NT5E: variants seen among roughly 807,000 people sequenced by gnomAD.
The protein encoded by NT5E is 5'-nucleotidase ecto, also known as 5'-nucleotidase.
NT5E carries 53 observed loss-of-function variants against 55.1 expected under a neutral mutation model. The observed-to-expected ratio is 0.96, with a 90% CI of 0.77 to 1.21. The LOEUF (loss-of-function observed/expected upper bound fraction) is 1.21, where lower values mean the gene tolerates loss of function less well. Ranked by LOEUF, NT5E falls within the 50% of genes most tolerant of loss-of-function variation. NT5E has a pLI of 0.00. For missense variants in NT5E, 683 were observed against 724.3 expected (o/e 0.94, Z 0.65); for synonymous variants, 270 against 278.4 (o/e 0.97, Z 0.30).
rs1388227044 is a variant in NT5E at position 85,495,689 on chromosome 6, TC to T, written c.*1687del. On this transcript the variant is annotated 3_prime_UTR_variant, in exon 9 of 9. Transcript: ENST00000257770. ...TTTTTTAAAGAACTTTTTTTAAGTT[TC>T]CTAAATCTGTGTGTGTATTGTGAAG... 7 of 152,218 alleles carry T rather than the reference TC, an allele frequency of 4.6e-5. No homozygotes were observed. The highest frequency in any genetic ancestry group is 1.7e-4 in the African/African-American group (7 of 41,446). 9.4% of individuals were successfully genotyped at this position (152,218 alleles called of 1,614,324 possible).
intron 1 of NT5E, among the ~76,000 whole-genome samples, chr6:85,453,459 T>G (rs1166999507): frequency 2.0e-5 from 3 of 152,204 alleles, no homozygotes; most frequent in Non-Finnish European, 4.4e-5. Flanking sequence ...GTCTACCACC[T>G]GCCTGCCCTC....
chr6:85,492,219 A>T, intron 8 of NT5E, 42 bp downstream of exon 8: 4 of 1,598,316 alleles, frequency 2.5e-6, no homozygotes, highest in Non-Finnish European at 3.4e-6. Flanking sequence ...GAACAACAAA[A>T]TTGGGCCAAG....
chr6:85,476,344 G>A (rs933385917), intron 3 of NT5E, among the ~76,000 whole-genome samples: 1 of 152,202 alleles, frequency 6.6e-6, no homozygotes, highest in African/African-American at 2.4e-5. Context: ...GGGTTGTCTT[G>A]TTTACTCATC....
rs191813468 is a variant in NT5E, at chr6:85,470,954, A to G, written c.563-283A>G. 2.8e-4 allele frequency among the ~76,000 whole-genome samples: 43 copies of G among 152,350 alleles called. No homozygotes were observed. In the East Asian group the frequency reaches 6.9e-3, roughly 25 times the overall value. On this transcript the variant is annotated intron_variant, in intron 2 of 8. Coordinates refer to ENST00000257770, the MANE Select transcript of NT5E (RefSeq NM_002526.4). ...TGGAAGTTGAGATGTACAAATATATAAAACAATATCTGAAGCCTCCTCACA... is the reference window on the plus strand; with the variant it reads ...TGGAAGTTGAGATGTACAAATATATGAAACAATATCTGAAGCCTCCTCACA...
intron 1 of NT5E, among the ~76,000 whole-genome samples, chr6:85,465,794 G>T (rs1769181126): frequency 6.6e-6 from 1 of 152,208 alleles, no homozygotes; most frequent in Non-Finnish European, 1.5e-5. Flanking sequence ...ATAGTCAGGA[G>T]ACTGATATAA....
At chr6:85,468,262 G>A (rs80327602) in intron 2 of NT5E, among the ~76,000 whole-genome samples, 2 of 152,274 alleles carry the variant, frequency 1.3e-5, no homozygotes, top group East Asian at 1.9e-4. Context: ...AGCAGCAAGC[G>A]GGTCCTGCAG....
At chr6:85,455,184 C>T (rs1414897183) in intron 1 of NT5E, among the ~76,000 whole-genome samples, 2 of 152,206 alleles carry the variant, frequency 1.3e-5, no homozygotes, top group Non-Finnish European at 1.5e-5. Context: ...CACAGAGTTC[C>T]TAAAACCCTA....
rs1769871224 is a variant in NT5E at position 85,495,391 on chromosome 6, AAC to A, written c.*1389_*1390del. The A allele has an allele frequency of 6.6e-6, 1 of 152,228 alleles. No individual in the cohort carries two copies. Among genetic ancestry groups the A allele is most frequent in the African/African-American group, 2.4e-5 (1 of 41,468 alleles). 9.4% of individuals were successfully genotyped at this position (152,228 alleles called of 1,614,324 possible). The stretch of plus-strand genomic sequence containing the variant: ...AAGAAATGGGAGGCTTCACCTTAAA[AAC>A]AGTGTGCAAATGGCAGCTAGAGGTT... On this transcript the variant is annotated 3_prime_UTR_variant, in exon 9 of 9. Transcript: ENST00000257770.
chr6:85,488,307 C>T (rs897328018), intron 5 of NT5E, among the ~76,000 whole-genome samples: 2 of 152,180 alleles, frequency 1.3e-5, no homozygotes, highest in African/African-American at 2.4e-5. Context: ...CAGTGCTTGG[C>T]ATGCATTGCC....
At chr6:85,461,657 T>C (rs1020969015) in intron 1 of NT5E, among the ~76,000 whole-genome samples, 3 of 152,204 alleles carry the variant, frequency 2.0e-5, no homozygotes, top group African/African-American at 7.2e-5. Context: ...TTCCAAGAGT[T>C]AACAGTTAGT....
chr6:85,468,073 A>G (rs1769230425), intron 2 of NT5E, among the ~76,000 whole-genome samples: 1 of 152,164 alleles, frequency 6.6e-6, no homozygotes, highest in Admixed American at 6.5e-5. Flanking sequence ...ATATTTGAAG[A>G]AAAAAAGGGA....
At chr6:85,454,279 A>G (rs1768947343) in intron 1 of NT5E, among the ~76,000 whole-genome samples, 1 of 152,230 alleles carries the variant, frequency 6.6e-6, no homozygotes, top group Admixed American at 6.5e-5. Flanking sequence ...TCAATGACTG[A>G]CATCCTCCAT....
chr6:85,490,662 G>A lies in NT5E; in HGVS notation c.1360+5G>A, dbSNP rs1360319925. On this transcript the variant is annotated splice_donor_5th_base_variant and intron_variant, in intron 7 of 8. Transcript: ENST00000257770. ...GAGAGTTCCTGCAGGTGGGCGGTAA[G>A]TCACCCATCCTGTAGGGCTGGCCCA... 1.2e-6 allele frequency: 2 copies of A among 1,613,714 alleles called. No homozygotes were observed. Among genetic ancestry groups the A allele is most frequent in the Non-Finnish European group, 1.7e-6 (2 of 1,180,008 alleles).
intron 3 of NT5E, 125 bp from the exon 4 acceptor site, chr6:85,485,110 A>T (rs553092354): frequency 1.1e-6 from 1 of 885,002 alleles, no homozygotes; most frequent in East Asian, 2.6e-5. Flanking sequence ...AAGACTAGCT[A>T]TGTAGAGCAA....
rs779345073 is a variant in NT5E at position 85,482,403 on chromosome 6, G to A, written c.752-2832G>A. On this transcript the variant is annotated intron_variant, in intron 3 of 8. Transcript: ENST00000257770. ...AGGAGGGAAAAAAGGAAAAAAGGGA[G>A]GGAGGGAAGGTGGAAGAAAGAAAAA... Among the ~76,000 whole-genome samples the A allele has an allele frequency of 9.0e-4, 137 of 152,148 alleles. 2 individuals carry two copies. The highest frequency in any genetic ancestry group is 1.4e-3 in the Non-Finnish European group (97 of 67,988).
chr6:85,451,928 G>T (rs1562133737), intron 1 of NT5E, among the ~76,000 whole-genome samples: 3 of 152,192 alleles, frequency 2.0e-5, no homozygotes, highest in Non-Finnish European at 4.4e-5. Context: ...AGGGGAGAAA[G>T]CTCCCTCCGT....
intron 1 of NT5E, among the ~76,000 whole-genome samples, chr6:85,464,986 G>A (rs930841459): frequency 2.0e-5 from 3 of 152,168 alleles, no homozygotes; most frequent in Non-Finnish European, 4.4e-5. Flanking sequence ...ACATTGGGAG[G>A]AAATGACACA....
intron 1 of NT5E, among the ~76,000 whole-genome samples, chr6:85,464,279 C>T (rs1769147845): frequency 6.6e-6 from 1 of 151,988 alleles, no homozygotes; most frequent in Non-Finnish European, 1.5e-5. Context: ...GTAAGAGTAC[C>T]ACCCTCACAG....
intron 3 of NT5E, among the ~76,000 whole-genome samples, chr6:85,476,437 C>T (rs1405813060): frequency 1.1e-4 from 17 of 152,184 alleles, no homozygotes; most frequent in Admixed American, 1.0e-3. Context: ...TGGGTGCTGG[C>T]AGGAGTAGAA....
Sources: allele counts gnomAD v4.1 joint callset (sites outside exome capture counted in the v4.1 genomes callset), GRCh38; gene constraint gnomAD v4.1.1; transcripts MANE v1.5; gene names NCBI Gene and HGNC (gene_info 2026-07-23, HGNC 2026-07-21).